The following DST variants were observed in gnomAD, a reference collection of about 807,000 sequenced individuals.
The protein encoded by DST is bullous pemphigoid antigen.
DST carries 253 observed loss-of-function variants against 875.2 expected under a neutral mutation model. That is an observed-to-expected ratio of 0.29 (90% CI 0.26 to 0.32). The LOEUF (loss-of-function observed/expected upper bound fraction) is 0.32, where lower values mean the gene tolerates loss of function less well. Among genes scored for constraint, DST ranks in the 10% least tolerant of loss-of-function variants. The pLI, the probability that DST is intolerant of heterozygous loss-of-function variation, is 1.00. For missense variants in DST, 8,287 were observed against 9,111.6 expected (o/e 0.91, Z 3.68); for synonymous variants, 3,124 against 3,197.1 (o/e 0.98, Z 0.77).
Position 56,608,461 on chromosome 6 carries a change from G to T in DST, c.6167C>A (p.Ser2056Tyr). ...DEAVQCDLIT[S>Y]SSALLVLEAQ... is the part of the protein sequence containing the mutation. ...TTCCAGGACCAGAAGAGCACTGCTG[G>T]AAGTTATTAAATCACACTGTACTGC... is the stretch of plus-strand genomic sequence containing the variant. The change falls in exon 40 of 104, where the codon TCC (serine) becomes TAC (tyrosine). Residue 2056 changes from serine to tyrosine, a missense_variant. This residue lies in a region of DST where 3,138 missense variants were observed against 3,116.6 expected (regional missense o/e 1.01). Coordinates refer to ENST00000680361, the MANE Select transcript of DST (RefSeq NM_001374736.1). 1 of 1,613,720 alleles carries T rather than the reference G, an allele frequency of 6.2e-7. No homozygotes were observed. Among genetic ancestry groups the T allele is most frequent in the Non-Finnish European group, 8.5e-7 (1 of 1,179,768 alleles).
chr6:56,735,026 T>A, intron 5 of DST: 1 of 538,790 alleles, frequency 1.9e-6, no homozygotes, highest in Non-Finnish European at 3.3e-6. Flanking sequence ...AATCACTGGG[T>A]ACTTACCTAT....
intron 4 of DST, among the ~76,000 whole-genome samples, chr6:56,826,162 T>C (rs2099780243): frequency 6.6e-6 from 1 of 152,144 alleles, no homozygotes; most frequent in African/African-American, 2.4e-5. Flanking sequence ...TATGATCAAA[T>C]CAGACACTGA....
chr6:56,888,727 A>G lies in DST; in HGVS notation c.417+11694T>C, dbSNP rs1272981160. ...AAATATGACAAAATCTGGTTAATTT[A>G]ATTATTACAAATTAAAGCTATATAA... On this transcript the variant is annotated intron_variant, in intron 3 of 103. Coordinates refer to ENST00000680361, the MANE Select transcript of DST (RefSeq NM_001374736.1). 2.0e-5 allele frequency among the ~76,000 whole-genome samples: 3 copies of G among 152,226 alleles called. No individual in the cohort carries two copies. In the East Asian group the frequency reaches 5.8e-4, roughly 29 times the overall value.
intron 10 of DST, among the ~76,000 whole-genome samples, chr6:56,661,256 C>T (rs2099039302): frequency 6.6e-6 from 1 of 152,024 alleles, no homozygotes; most frequent in African/African-American, 2.4e-5. Flanking sequence ...AGTCAAAATA[C>T]AAGAAGTGTT....
chr6:56,535,099 A>G, intron 63 of DST, 23 bp downstream of exon 63: 1 of 1,609,514 alleles, frequency 6.2e-7, no homozygotes, highest in Non-Finnish European at 8.5e-7. Flanking sequence ...ATGAAACGCA[A>G]TACAAAAGCA....
chr6:56,578,167 T>C (rs1368921991), intron 50 of DST, among the ~76,000 whole-genome samples: 1 of 152,092 alleles, frequency 6.6e-6, no homozygotes, highest in African/African-American at 2.4e-5. Context: ...GCCCAAGAGT[T>C]TGAGACTAGC....
chr6:56,742,930 T>C (rs34465210), intron 4 of DST, among the ~76,000 whole-genome samples: 17,743 of 152,214 alleles, frequency 0.12, 1,400 homozygotes, highest in Middle Eastern at 0.19. Flanking sequence ...AGTTGGGTAG[T>C]ACTGTCCTCA....
intron 3 of DST, among the ~76,000 whole-genome samples, chr6:56,898,798 G>A (rs1199948244): frequency 6.6e-6 from 1 of 152,190 alleles, no homozygotes; most frequent in Non-Finnish European, 1.5e-5. Context: ...CATCTCAGGT[G>A]TCTGCTTATC....
Position 56,898,100 on chromosome 6 carries a change from TAC to T in DST, c.417+2319_417+2320del, listed in dbSNP as rs149883731. ...CTCTTAGTGTGCTGTTTCCTGCAGA[TAC>T]ACAGAGCAGGATTTGAACCCACGTG... is the stretch of plus-strand genomic sequence containing the variant. On this transcript the variant is annotated intron_variant, in intron 3 of 103. Transcript: ENST00000680361. Among the ~76,000 whole-genome samples the T allele has an allele frequency of 9.2e-3, 1,399 of 152,334 alleles. 24 individuals carry two copies. The highest frequency in any genetic ancestry group is 0.032 in the African/African-American group (1,330 of 41,568).
chr6:56,868,294 T>C (rs547265727), intron 3 of DST, among the ~76,000 whole-genome samples: 3 of 152,374 alleles, frequency 2.0e-5, no homozygotes, highest in South Asian at 4.1e-4. Context: ...CTCAGGTCAC[T>C]GTTCTGGGCC....
intron 61 of DST, among the ~76,000 whole-genome samples, chr6:56,551,494 A>G (rs2097321348): frequency 6.6e-6 from 1 of 152,196 alleles, no homozygotes; most frequent in South Asian, 2.1e-4. Context: ...TCACTATCAT[A>G]AATAAGGCCA....
intron 2 of DST, among the ~76,000 whole-genome samples, chr6:56,942,536 G>C (rs1228989966): frequency 2.0e-5 from 3 of 151,756 alleles, no homozygotes; most frequent in Admixed American, 1.3e-4. Context: ...TTCTACCTAA[G>C]TTAATATGCC....
chr6:56,886,776 CAAA>C (rs35735421), intron 3 of DST, among the ~76,000 whole-genome samples: 30 of 82,212 alleles, frequency 3.6e-4, no homozygotes, highest in African/African-American at 1.3e-3. Context: ...AACTCAGTCT[CAAA>C]AAAAAAAAAA....
In DST at chr6:56,553,671, C is replaced by A. The variant is rs751256713; in HGVS notation, c.15137-16G>T. The A allele has an allele frequency of 1.3e-6, 2 of 1,598,888 alleles. No homozygotes were observed. The highest frequency in any genetic ancestry group is 1.1e-5 in the South Asian group (1 of 88,364). On this transcript the variant is annotated splice_polypyrimidine_tract_variant and intron_variant, in intron 60 of 103. Transcript: ENST00000680361. ...ACATGATTCTCTAGAAATAAAATTA[C>A]AAGATATGTTTATTTTACATCAAAA...
In DST at chr6:56,772,343, T is replaced by G. The variant is rs561915805; in HGVS notation, c.626-37054A>C. Among the ~76,000 whole-genome samples the G allele has an allele frequency of 2.6e-5, 4 of 152,288 alleles. No individual in the cohort carries two copies. In the South Asian group the frequency reaches 8.3e-4, roughly 32 times the overall value. ...TATTAGCTGAATCATAGGTAGAAGTTTCTTAAAGTGATGTTTTTATGTGAT... is the reference window on the plus strand; with the variant it reads ...TATTAGCTGAATCATAGGTAGAAGTGTCTTAAAGTGATGTTTTTATGTGAT... On this transcript the variant is annotated intron_variant, in intron 4 of 103. Coordinates refer to ENST00000680361, the MANE Select transcript of DST (RefSeq NM_001374736.1).
At chr6:56,846,147 T>G (rs534223885) in intron 4 of DST, among the ~76,000 whole-genome samples, 27 of 152,348 alleles carry the variant, frequency 1.8e-4, no homozygotes, top group Admixed American at 6.5e-4. Flanking sequence ...GGATACCATA[T>G]TAAGTGCTTA....
intron 4 of DST, among the ~76,000 whole-genome samples, chr6:56,838,021 G>A (rs769999064): frequency 6.6e-6 from 1 of 151,886 alleles, no homozygotes; most frequent in African/African-American, 2.4e-5. Context: ...TTGGACATAG[G>A]TAGAATGTAA....
chr6:56,836,868 GA>G, intron 4 of DST, among the ~76,000 whole-genome samples: 1 of 133,078 alleles, frequency 7.5e-6, no homozygotes, highest in Non-Finnish European at 1.7e-5. Flanking sequence ...AAAAAAGAAA[GA>G]AAAAAAGAAA....
intron 49 of DST, among the ~76,000 whole-genome samples, chr6:56,588,721 T>C (rs970257184): frequency 1.3e-5 from 2 of 152,210 alleles, no homozygotes; most frequent in Non-Finnish European, 2.9e-5. Context: ...TGCCTAAAGC[T>C]AATGGCAAAA....
Sources: gnomAD v4.1 joint callset for allele counts (sites outside exome capture counted in the v4.1 genomes callset) on GRCh38, gnomAD v4.1.1 for gene constraint, gnomAD v4.1.1 regional missense constraint, MANE v1.5 for transcripts, NCBI Gene and HGNC (gene_info 2026-07-23, HGNC 2026-07-21) for gene names.